Variants in SMC1B observed in about 807,000 individuals in gnomAD.
SMC1B encodes structural maintenance of chromosomes protein 1B.
SMC1B carries 60 observed loss-of-function variants against 157.9 expected under a neutral mutation model. The ratio of observed to expected loss-of-function variants is 0.38; its 90% CI spans 0.31 to 0.47. The LOEUF is 0.47. SMC1B is among the 20% of genes least tolerant of loss of function. The pLI is 0.99. For synonymous variants in SMC1B, 445 were observed against 483.0 expected (o/e 0.92, Z 1.03); for missense variants, 1,165 against 1,426.2 (o/e 0.82, Z 2.95).
chr22:45,380,110 G>C (rs892937560), intron 12 of SMC1B, among the ~76,000 whole-genome samples: 12 of 152,162 alleles, frequency 7.9e-5, no homozygotes, highest in Non-Finnish European at 1.3e-4. Flanking sequence ...CTTATTGGCA[G>C]ATCCTCGAAA....
At chr22:45,375,838 T>A (rs2086878901) in intron 12 of SMC1B, among the ~76,000 whole-genome samples, 1 of 152,154 alleles carries the variant, frequency 6.6e-6, no homozygotes, top group South Asian at 2.1e-4. Context: ...AATACTGACA[T>A]TTAGATATTA....
chr22:45,373,076 T>C (rs929818279), intron 12 of SMC1B, among the ~76,000 whole-genome samples: 1 of 152,182 alleles, frequency 6.6e-6, no homozygotes, highest in African/African-American at 2.4e-5. Flanking sequence ...AATCTACCTA[T>C]AACTTGGAAG....
chr22:45,387,174 C>T (rs1343842447), intron 10 of SMC1B, 128 bp from the exon 11 acceptor site: 25 of 796,164 alleles, frequency 3.1e-5, no homozygotes, highest in Admixed American at 8.3e-5. Context: ...CCCAGCCAGG[C>T]GTGATGCTCA....
intron 19 of SMC1B, 75 bp from the exon 20 acceptor site, chr22:45,355,190 G>T: frequency 6.8e-7 from 1 of 1,471,830 alleles, no homozygotes; most frequent in Non-Finnish European, 9.4e-7. Context: ...GCGTGTGTGG[G>T]GCACTTCACC....
intron 12 of SMC1B, among the ~76,000 whole-genome samples, chr22:45,380,161 A>G (rs1328750192): frequency 6.6e-6 from 1 of 152,114 alleles, no homozygotes; most frequent in Non-Finnish European, 1.5e-5. Context: ...CCTTTTAGCT[A>G]TTATTCCATA....
rs371556570 is a variant in SMC1B, at chr22:45,406,474, A to T, written c.601T>A (p.Leu201Ile). ...NIAAERRQAK[L>I]EKEEAERYQS... ...TGACATCTTACCTCTTCCTTCTCTA[A>T]TTTTGCTTGTCTGCGCTCTGCCGCT... Residue 201 changes from leucine (L) to isoleucine (I), a missense_variant, in exon 4 of 25, where the codon TTA becomes ATA. By Grantham distance (5) the Leu-to-Ile change is conservative (BLOSUM62 2). Transcript: ENST00000357450. 8.1e-6 allele frequency: 13 copies of T among 1,607,986 alleles called. No homozygotes were observed. The highest frequency in any genetic ancestry group is 1.1e-5 in the Non-Finnish European group (13 of 1,178,840).
chr22:45,361,350 C>T (rs980046794), intron 17 of SMC1B, among the ~76,000 whole-genome samples: 25 of 152,174 alleles, frequency 1.6e-4, no homozygotes, highest in Admixed American at 1.0e-3. Context: ...CAGTGGCTCA[C>T]GCCTATAATC....
chr22:45,396,531 A>G, intron 6 of SMC1B, 45 bp from the exon 7 acceptor site: 6 of 1,546,766 alleles, frequency 3.9e-6, no homozygotes, highest in Non-Finnish European at 5.3e-6. Flanking sequence ...CTTAAGAAGC[A>G]TGAGAGCAAA....
At chr22:45,407,073 G>C (rs1052494019) in intron 2 of SMC1B, among the ~76,000 whole-genome samples, 21 of 152,140 alleles carry the variant, frequency 1.4e-4, no homozygotes, top group Admixed American at 1.3e-3. Flanking sequence ...CAAAACACAT[G>C]AAAGTCTCTT....
intron 10 of SMC1B, 76 bp from the exon 11 acceptor site, chr22:45,387,122 A>G: frequency 7.8e-7 from 1 of 1,275,458 alleles, no homozygotes; most frequent in Admixed American, 1.9e-5. Context: ...TCTTTCTCAC[A>G]AAACATATAT....
chr22:45,393,804 G>C lies in SMC1B; in HGVS notation c.1375C>G (p.Leu459Val). 6.2e-7 allele frequency: 1 copy of C among 1,612,548 alleles called. No individual in the cohort carries two copies. The highest frequency in any genetic ancestry group is 8.5e-7 in the Non-Finnish European group (1 of 1,179,284). Residue 459 changes from leucine to valine, a missense_variant, in exon 9 of 25, where the codon CTA (leucine) becomes GTA (valine). By Grantham distance (32) the Leu-to-Val change is conservative. Transcript: ENST00000357450. ...LKEKKQQEET[L>V]VDEIEKTKSR... ...TTTGTTTTTTCAATTTCATCCACTA[G>C]GGTTTCCTCTTGCTGTTTTTTCTCT...
At chr22:45,381,480 G>A (rs1011810605) in intron 12 of SMC1B, among the ~76,000 whole-genome samples, 1 of 152,106 alleles carries the variant, frequency 6.6e-6, no homozygotes, top group Non-Finnish European at 1.5e-5. Context: ...ATTTAGCTTC[G>A]TGGGGTTCAA....
chr22:45,390,447 C>T (rs1266284858), intron 9 of SMC1B, among the ~76,000 whole-genome samples: 1 of 152,084 alleles, frequency 6.6e-6, no homozygotes, highest in East Asian at 1.9e-4. Flanking sequence ...GTGGCTCACG[C>T]CTGTAATCCC....
Position 45,383,527 on chromosome 22 carries a change from C to A in SMC1B, c.1998G>T (p.Trp666Cys), listed in dbSNP as rs1353209760. Reference protein sequence around the residue: ...SSDLKYKARCWDEKELKNLRD... With the variant: ...SSDLKYKARCCDEKELKNLRD... ...TTAGATTCTTTAACTCTTTCTCATC[C>A]CAGCATCTAGCCTTGTATTTTAAGT... is the stretch of plus-strand genomic sequence containing the variant. The change falls in exon 12 of 25, where the codon TGG (tryptophan) becomes TGT (cysteine). Residue 666 changes from tryptophan (W) to cysteine (C), a missense_variant. Trp to Cys is a radical substitution (Grantham distance 215). Coordinates refer to ENST00000357450, the MANE Select transcript of SMC1B (RefSeq NM_148674.5). 6.2e-7 allele frequency: 1 copy of A among 1,610,508 alleles called. No individual in the cohort carries two copies. Among genetic ancestry groups the A allele is most frequent in the Non-Finnish European group, 8.5e-7 (1 of 1,178,908 alleles).
intron 15 of SMC1B, among the ~76,000 whole-genome samples, chr22:45,365,500 T>C (rs1411384573): frequency 1.3e-5 from 2 of 152,090 alleles, no homozygotes; most frequent in African/African-American, 4.8e-5. Flanking sequence ...ATCCCAGGAA[T>C]TGAAGACCAG....
At chr22:45,408,924 T>C in intron 1 of SMC1B, 26 bp from the exon 2 acceptor site, 1 of 1,374,546 alleles carries the variant, frequency 7.3e-7, no homozygotes, top group Non-Finnish European at 9.7e-7. Flanking sequence ...GATAAAACAT[T>C]ATTCATTCTT....
intron 5 of SMC1B, among the ~76,000 whole-genome samples, chr22:45,400,778 T>TATA (rs1319627005): frequency 3.3e-5 from 5 of 152,188 alleles, no homozygotes; most frequent in Non-Finnish European, 7.3e-5. Context: ...TGACACATGA[T>TATA]ATAGTACATG....
intron 10 of SMC1B, among the ~76,000 whole-genome samples, chr22:45,388,986 C>CAAAAAAAAAAA (rs371475132): frequency 5.5e-5 from 3 of 54,456 alleles, no homozygotes; most frequent in African/African-American, 1.3e-4. Flanking sequence ...GACTCTGCCT[C>CAAAAAAAAAAA]AAAAAAAAAA....
At chr22:45,360,556 G>A (rs546105968) in intron 17 of SMC1B, among the ~76,000 whole-genome samples, 2 of 152,164 alleles carry the variant, frequency 1.3e-5, no homozygotes, top group African/African-American at 2.4e-5. Flanking sequence ...GCTCACGCCT[G>A]TAATCCAGCA....
Sources: allele counts gnomAD v4.1 joint callset (sites outside exome capture counted in the v4.1 genomes callset), GRCh38; gene constraint gnomAD v4.1.1; transcripts MANE v1.5; gene names NCBI Gene and HGNC (gene_info 2026-07-23, HGNC 2026-07-21).